Variants in IMMP2L observed in about 807,000 individuals in gnomAD.
The protein encoded by IMMP2L is inner mitochondrial membrane peptidase subunit 2.
Under a neutral mutation model 19.3 loss-of-function variants are expected in IMMP2L, and 18 were observed. The ratio of observed to expected loss-of-function variants is 0.93; its 90% CI spans 0.64 to 1.38. The LOEUF (loss-of-function observed/expected upper bound fraction) is 1.38. Among genes scored for constraint, IMMP2L ranks in the 40% most tolerant of loss-of-function variants. IMMP2L has a pLI of 0.00. For synonymous variants in IMMP2L, 76 were observed against 73.0 expected (o/e 1.04, Z -0.21); for missense variants, 233 against 218.2 (o/e 1.07, Z -0.43).
At chr7:111,314,841 A>G (rs985621603) in intron 3 of IMMP2L, among the ~76,000 whole-genome samples, 10 of 152,200 alleles carry the variant, frequency 6.6e-5, no homozygotes, top group African/African-American at 2.2e-4. Flanking sequence ...CCTATGGAAT[A>G]TAATTGCAAG....
At chr7:110,701,243 C>A (rs543642611) in intron 5 of IMMP2L, among the ~76,000 whole-genome samples, 2 of 152,172 alleles carry the variant, frequency 1.3e-5, no homozygotes, top group African/African-American at 4.8e-5. Flanking sequence ...TTTACTATAT[C>A]ATATATAATG....
At chr7:110,988,246 C>T (rs2129559115) in intron 3 of IMMP2L, among the ~76,000 whole-genome samples, 1 of 152,326 alleles carries the variant, frequency 6.6e-6, no homozygotes, top group South Asian at 2.1e-4. Flanking sequence ...AGGGGCAAGG[C>T]AGCTTTACTC....
At chr7:111,045,103 C>A (rs547146004) in intron 3 of IMMP2L, among the ~76,000 whole-genome samples, 1 of 152,314 alleles carries the variant, frequency 6.6e-6, no homozygotes, top group Non-Finnish European at 1.5e-5. Flanking sequence ...ACAGATTCCA[C>A]TTTCAGCTTT....
At chr7:110,940,934 A>G (rs1304885210) in intron 4 of IMMP2L, among the ~76,000 whole-genome samples, 2 of 152,192 alleles carry the variant, frequency 1.3e-5, no homozygotes, top group African/African-American at 4.8e-5. Flanking sequence ...GCTTGCTGAT[A>G]GTGTGCTGCA....
rs143526810 is a variant in IMMP2L at position 111,150,688 on chromosome 7, T to C, written c.240-187123A>G. ...GCTCTCGAAGTAAAAACAATTCTTA[T>C]ATAAATATGTAAGTGTGTCTACAGA... On this transcript the variant is annotated intron_variant, in intron 3 of 5. Coordinates refer to ENST00000405709, the MANE Select transcript of IMMP2L (RefSeq NM_032549.4). Among the ~76,000 whole-genome samples, 833 of 152,342 alleles carry C rather than the reference T, an allele frequency of 5.5e-3. 15 individuals are homozygous for C. Among genetic ancestry groups the C allele is most frequent in the African/African-American group, 0.019 (798 of 41,584 alleles).
Position 111,537,777 on chromosome 7 carries a change from C to A in IMMP2L, c.-2-16328G>T, listed in dbSNP as rs114138293. On this transcript the variant is annotated intron_variant, in intron 1 of 5. Transcript: ENST00000405709. ...TCTCAAACTCCTGAGCTCAAGTGAT[C>A]TACCCACCTTCCCAAAGTGCTGGGA... Among the ~76,000 whole-genome samples the A allele has an allele frequency of 6.0e-4, 92 of 152,066 alleles. 1 individual carries two copies. Among genetic ancestry groups the A allele is most frequent in the African/African-American group, 2.1e-3 (86 of 41,488 alleles).
intron 3 of IMMP2L, among the ~76,000 whole-genome samples, chr7:111,208,873 T>A (rs372057083): frequency 2.6e-5 from 4 of 152,174 alleles, no homozygotes; most frequent in African/African-American, 9.7e-5. Context: ...TTGGGAGCAA[T>A]AGATTTTTAA....
chr7:111,226,226 T>G (rs902225304), intron 3 of IMMP2L, among the ~76,000 whole-genome samples: 1 of 152,048 alleles, frequency 6.6e-6, no homozygotes, highest in Non-Finnish European at 1.5e-5. Context: ...CAATCACGGC[T>G]CACTGCAGTC....
At chr7:111,337,665 A>G (rs1826581642) in intron 3 of IMMP2L, among the ~76,000 whole-genome samples, 1 of 152,124 alleles carries the variant, frequency 6.6e-6, no homozygotes, top group South Asian at 2.1e-4. Flanking sequence ...AGTACCATAC[A>G]TGGGCAGATG....
intron 5 of IMMP2L, among the ~76,000 whole-genome samples, chr7:110,825,568 C>G (rs368815415): frequency 6.6e-6 from 1 of 152,022 alleles, no homozygotes; most frequent in East Asian, 1.9e-4. Context: ...ACAAACCTGA[C>G]AAAAACAAGA....
chr7:111,049,127 TTTTTTTTTC>T (rs1251052091), intron 3 of IMMP2L, among the ~76,000 whole-genome samples: 404 of 22,624 alleles, frequency 0.018, 8 homozygotes, highest in African/African-American at 0.029. Flanking sequence ...TCTTTTTTTT[TTTTTTTTTC>T]TTTTTTTTTT....
At chr7:110,812,831 T>C (rs1802140965) in intron 5 of IMMP2L, among the ~76,000 whole-genome samples, 1 of 151,918 alleles carries the variant, frequency 6.6e-6, no homozygotes, top group South Asian at 2.1e-4. Context: ...CACCTAAAAT[T>C]CCATGTATAG....
intron 4 of IMMP2L, among the ~76,000 whole-genome samples, chr7:110,946,364 T>C (rs1817250281): frequency 6.6e-6 from 1 of 152,202 alleles, no homozygotes; most frequent in East Asian, 1.9e-4. Flanking sequence ...AAAGTATTTC[T>C]AGGTTTTTTA....
intron 3 of IMMP2L, among the ~76,000 whole-genome samples, chr7:111,295,349 G>A (rs1391122212): frequency 6.6e-6 from 1 of 151,820 alleles, no homozygotes; most frequent in Non-Finnish European, 1.5e-5. Context: ...TAAAAGGGTG[G>A]TAAGTTGGCA....
At chr7:111,502,161 A>G (rs1029172379) in intron 2 of IMMP2L, among the ~76,000 whole-genome samples, 22 of 152,244 alleles carry the variant, frequency 1.4e-4, no homozygotes, top group African/African-American at 3.1e-4. Context: ...AAAGGCAGGG[A>G]TTGCAATCCT....
intron 5 of IMMP2L, among the ~76,000 whole-genome samples, chr7:110,832,028 T>C (rs545054820): frequency 2.0e-5 from 3 of 151,912 alleles, no homozygotes; most frequent in East Asian, 1.9e-4. Flanking sequence ...CTTTGGGAGG[T>C]TGAGGTGTGC....
intron 4 of IMMP2L, among the ~76,000 whole-genome samples, chr7:110,899,730 C>T (rs952584576): frequency 1.3e-5 from 2 of 152,138 alleles, no homozygotes; most frequent in Admixed American, 6.6e-5. Flanking sequence ...TGGCAGGGTG[C>T]TAACCTATGA....
rs536710071 is a variant in IMMP2L at position 110,726,319 on chromosome 7, T to C, written c.409-62598A>G. Among the ~76,000 whole-genome samples, 20 of 152,300 alleles carry C rather than the reference T, an allele frequency of 1.3e-4. 1 individual carries two copies. The South Asian group carries it at 4.1e-3, about 32-fold the overall frequency. On this transcript the variant is annotated intron_variant, in intron 5 of 5. Coordinates refer to ENST00000405709, the MANE Select transcript of IMMP2L (RefSeq NM_032549.4). ...CTTTCTTCCCACCATATGGCTCCAA[T>C]TCAGTTGTTCTGATAGGAGAGAAAG...
At chr7:110,855,986 A>G (rs1563028335) in intron 5 of IMMP2L, among the ~76,000 whole-genome samples, 1 of 152,046 alleles carries the variant, frequency 6.6e-6, no homozygotes, top group East Asian at 1.9e-4. Context: ...AGAAAACTGT[A>G]TGCTTATAGT....
Sources: allele counts gnomAD v4.1 joint callset (sites outside exome capture counted in the v4.1 genomes callset), GRCh38; gene constraint gnomAD v4.1.1; transcripts MANE v1.5; gene names NCBI Gene and HGNC (gene_info 2026-07-23, HGNC 2026-07-21).